Variants in PACS1 observed in about 807,000 individuals in gnomAD.
The protein encoded by PACS1 is phosphofurin acidic cluster sorting protein 1.
In PACS1, 24 loss-of-function variants were observed where a neutral mutation model predicts 115.0. The observed-to-expected ratio is 0.21, with a 90% CI of 0.15 to 0.29. The LOEUF is 0.29. Ranked by LOEUF, PACS1 falls within the 10% of genes least tolerant of loss-of-function variation. The pLI, the probability that PACS1 is intolerant of heterozygous loss-of-function variation, is 1.00. For synonymous variants in PACS1, 453 were observed against 504.5 expected (o/e 0.90, Z 1.37); for missense variants, 838 against 1,251.2 (o/e 0.67, Z 4.98).
intron 2 of PACS1, among the ~76,000 whole-genome samples, chr11:66,200,701 G>A (rs1854768534): frequency 6.6e-6 from 1 of 152,104 alleles, no homozygotes; most frequent in Non-Finnish European, 1.5e-5. Flanking sequence ...TACAACAATA[G>A]CTAGAGACTT....
intron 1 of PACS1, among the ~76,000 whole-genome samples, chr11:66,132,069 T>C (rs767102246): frequency 2.6e-5 from 4 of 152,144 alleles, no homozygotes; most frequent in Non-Finnish European, 4.4e-5. Flanking sequence ...GATACTGATA[T>C]AGGTTAGCTG....
At chr11:66,179,493 T>A (rs1859951837) in intron 1 of PACS1, among the ~76,000 whole-genome samples, 1 of 152,122 alleles carries the variant, frequency 6.6e-6, no homozygotes, top group Non-Finnish European at 1.5e-5. Context: ...TTTCCTAGAT[T>A]TCTTTGGGAG....
At chr11:66,079,771 A>C (rs948353455) in intron 1 of PACS1, among the ~76,000 whole-genome samples, 2 of 152,228 alleles carry the variant, frequency 1.3e-5, no homozygotes, top group African/African-American at 4.8e-5. Context: ...ACTTTCCGTC[A>C]TACTTAAAAA....
Position 66,070,988 on chromosome 11 carries a change from G to A in PACS1, c.356+146G>A. 1.2e-6 allele frequency: 1 copy of A among 839,222 alleles called. No individual in the cohort carries two copies. Among genetic ancestry groups the A allele is most frequent in the African/African-American group, 1.8e-5 (1 of 55,668 alleles). 52.0% of individuals were successfully genotyped at this position (839,222 alleles called of 1,614,324 possible). A position where few individuals can be genotyped will look rare whatever the true frequency, so the allele number is the denominator to read the frequency against. On this transcript the variant is annotated intron_variant, in intron 1 of 23. Coordinates refer to ENST00000320580, the MANE Select transcript of PACS1 (RefSeq NM_018026.4). This position sits in a 1 kb window ranked among gnomAD's most constrained non-coding sequence, Gnocchi z 5.9. ...GGCCTGGCTCCAGCCAGGCCTCCCG[G>A]GACTCCTGCCACGGGGACCCGCCCT...
chr11:66,118,338 G>A (rs149300665), intron 1 of PACS1, among the ~76,000 whole-genome samples: 250 of 152,270 alleles, frequency 1.6e-3, no homozygotes, highest in Middle Eastern at 0.014. Context: ...GGGGCCGGGC[G>A]CTGTGGCTCA....
At chr11:66,202,488 CA>C (rs1416401420) in intron 2 of PACS1, among the ~76,000 whole-genome samples, 1 of 151,764 alleles carries the variant, frequency 6.6e-6, no homozygotes, top group African/African-American at 2.4e-5. Flanking sequence ...TCATCATGAC[CA>C]AGTGAGATCC....
At chr11:66,238,349 C>T in intron 19 of PACS1, 5 of 985,248 alleles carry the variant, frequency 5.1e-6, no homozygotes, top group Non-Finnish European at 4.8e-6. Context: ...ACAGTGATTC[C>T]TGCCTTCAGC....
chr11:66,127,031 C>A (rs1236999281), intron 1 of PACS1, among the ~76,000 whole-genome samples: 1 of 151,862 alleles, frequency 6.6e-6, no homozygotes, highest in African/African-American at 2.4e-5. Flanking sequence ...ATGTAAACGA[C>A]TTTCTTTTCT....
intron 1 of PACS1, among the ~76,000 whole-genome samples, chr11:66,117,472 AAAG>A (rs1240347898): frequency 6.6e-6 from 1 of 150,452 alleles, no homozygotes; most frequent in African/African-American, 2.4e-5. Context: ...AAAAAAAAAA[AAAG>A]AGAGAAAAGA....
chr11:66,144,203 A>G (rs1484836919), intron 1 of PACS1, among the ~76,000 whole-genome samples: 5 of 152,226 alleles, frequency 3.3e-5, no homozygotes, highest in Non-Finnish European at 7.3e-5. Flanking sequence ...GTCCTTATCA[A>G]AGAATGAGAA....
intron 1 of PACS1, among the ~76,000 whole-genome samples, chr11:66,172,627 T>C (rs1401494232): frequency 6.6e-6 from 1 of 152,178 alleles, no homozygotes; most frequent in East Asian, 1.9e-4. Context: ...CAAGAGATCC[T>C]GAGCTAGGAC....
intron 1 of PACS1, among the ~76,000 whole-genome samples, chr11:66,074,616 A>G (rs1351686276): frequency 5.9e-5 from 9 of 152,212 alleles, no homozygotes; most frequent in African/African-American, 4.8e-5. Flanking sequence ...TCCAAAGCCC[A>G]TTTGCATACC....
chr11:66,134,819 C>G (rs569031520), intron 1 of PACS1, among the ~76,000 whole-genome samples: 2 of 152,258 alleles, frequency 1.3e-5, no homozygotes, highest in African/African-American at 4.8e-5. Context: ...CACTTTTATT[C>G]TGTCTTGAAT....
At chr11:66,183,692 C>T (rs543717269) in intron 1 of PACS1, among the ~76,000 whole-genome samples, 1 of 152,290 alleles carries the variant, frequency 6.6e-6, no homozygotes, top group African/African-American at 2.4e-5. Flanking sequence ...AAGAAACCAG[C>T]TTTATTGAGG....
intron 2 of PACS1, among the ~76,000 whole-genome samples, chr11:66,199,672 T>C (rs1390507826): frequency 6.6e-6 from 1 of 152,126 alleles, no homozygotes; most frequent in East Asian, 1.9e-4. Context: ...TAACATTGAA[T>C]GTAAATGGAC....
rs748987562 is a variant in PACS1, at chr11:66,216,206, A to G, written c.748A>G (p.Ile250Val). The G allele has an allele frequency of 6.2e-7, 1 of 1,614,072 alleles. No homozygotes were observed. The highest frequency in any genetic ancestry group is 1.1e-5 in the South Asian group (1 of 91,078). The change falls in exon 5 of 24, where the codon ATC becomes GTC. Residue 250 changes from isoleucine to valine, a missense_variant. This residue lies in a region of PACS1 where 223 missense variants were observed against 354.0 expected (regional missense o/e 0.63). Transcript: ENST00000320580. Reference sequence around the variant, plus strand: ...CTCTGTGCCTGTGGCAGAAATAAAGATCTACTCCCTGTCCAGCCAACCCAT... The same window carrying G: ...CTCTGTGCCTGTGGCAGAAATAAAGGTCTACTCCCTGTCCAGCCAACCCAT... ...DVSVPVAEIK[I>V]YSLSSQPIDH...
intron 8 of PACS1, 198 bp from the exon 9 acceptor site, chr11:66,220,433 G>C: frequency 1.7e-6 from 1 of 579,432 alleles, no homozygotes; most frequent in East Asian, 2.9e-5. Context: ...GGCAGGAACT[G>C]GGGGGAAGGT....
intron 1 of PACS1, among the ~76,000 whole-genome samples, chr11:66,184,487 C>G (rs186437866): frequency 3.9e-5 from 6 of 152,274 alleles, no homozygotes; most frequent in Admixed American, 2.6e-4. Flanking sequence ...CCTACAGTCA[C>G]GTATAAACTA....
chr11:66,158,682 C>T (rs1042798438), intron 1 of PACS1, among the ~76,000 whole-genome samples: 1 of 151,878 alleles, frequency 6.6e-6, no homozygotes, highest in Non-Finnish European at 1.5e-5. Context: ...ACCTGGGTGG[C>T]AGAGAGAGTA....
Sources: gnomAD v4.1 joint callset for allele counts (sites outside exome capture counted in the v4.1 genomes callset) on GRCh38, gnomAD v4.1.1 for gene constraint, gnomAD v4.1.1 regional missense constraint, Gnocchi (gnomAD v3.1) non-coding constraint, MANE v1.5 for transcripts, NCBI Gene and HGNC (gene_info 2026-07-23, HGNC 2026-07-21) for gene names.